The following MYOM3 variants were observed in gnomAD, a reference collection of about 807,000 sequenced individuals.
MYOM3 encodes myomesin 3.
MYOM3 carries 155 observed loss-of-function variants against 191.7 expected under a neutral mutation model. The ratio of observed to expected loss-of-function variants is 0.81; its 90% CI spans 0.71 to 0.92. The LOEUF (loss-of-function observed/expected upper bound fraction) is 0.92, where lower values mean the gene tolerates loss of function less well. Among genes scored for constraint, MYOM3 ranks in the 40% least tolerant of loss-of-function variants. MYOM3 has a pLI of 0.00. For synonymous variants in MYOM3, 757 were observed against 762.9 expected, an observed-to-expected ratio of 0.99 and a Z score of 0.13; for missense variants, 1,889 against 1,890.6, an observed-to-expected ratio of 1.00 and a Z score of 0.02.
At chr1:24,092,408 A>G (rs1643850557) in intron 10 of MYOM3, 93 bp from the exon 11 acceptor site, 1 of 1,143,816 alleles carries the variant, frequency 8.7e-7, no homozygotes, top group African/African-American at 1.6e-5. Flanking sequence ...CTTCTCATCC[A>G]TCCTCCAGGG....
At chr1:24,110,425 A>C (rs1490184565) in intron 1 of MYOM3, among the ~76,000 whole-genome samples, 1 of 151,982 alleles carries the variant, frequency 6.6e-6, no homozygotes, top group Non-Finnish European at 1.5e-5. Context: ...TGAACACAGC[A>C]CCTAGGTGAC....
At chr1:24,083,687 C>T (rs1473345790) in intron 16 of MYOM3, 2 of 152,396 alleles carry the variant, frequency 1.3e-5, no homozygotes, top group Non-Finnish European at 2.9e-5. Context: ...CTGCCCTCCC[C>T]ACCTCTCTCT....
chr1:24,079,772 T>C (rs1169680141), intron 20 of MYOM3, among the ~76,000 whole-genome samples: 5 of 152,200 alleles, frequency 3.3e-5, no homozygotes, highest in African/African-American at 1.2e-4. Context: ...CAAATGCTGA[T>C]ATACCTGGCT....
In MYOM3 at chr1:24,064,121, A is replaced by T. The variant is rs188834731; in HGVS notation, c.3573T>A (p.Val1191=). 3 of 1,614,022 alleles carry T rather than the reference A, an allele frequency of 1.9e-6. No homozygotes were observed. In the Admixed American group the frequency reaches 5.0e-5, roughly 27 times the overall value. Residue 1191 remains valine, a synonymous_variant, in exon 30 of 37, where the codon GTT becomes GTA. Transcript: ENST00000374434. The part of the protein sequence containing the change: ...KKDKGIYRAM[V]SDDRGEDDTI... ...TGTCGTCCTCCCCTCGATCGTCAGA[A>T]ACCATCGCTCTGTAAATTCCCTTGT... is the stretch of plus-strand genomic sequence containing the variant.
chr1:24,107,495 A>G (rs1244343800), intron 3 of MYOM3, among the ~76,000 whole-genome samples: 1 of 152,190 alleles, frequency 6.6e-6, no homozygotes, highest in African/African-American at 2.4e-5. Context: ...CCAAGTGGCC[A>G]GGCCTTAGTG....
rs771873242 is a variant in MYOM3, at chr1:24,057,472, G to A, written c.4206C>T (p.Ser1402=). The change falls in exon 37 of 37, where the codon AGC becomes AGT. Residue 1402 remains serine (S), a synonymous_variant. Transcript: ENST00000374434. ...TCTTGACGAAGACGCCGTAGCGGCCGCTGTCTTCACTGTTGACCTTCTCAA... is the reference window on the plus strand; with the variant it reads ...TCTTGACGAAGACGCCGTAGCGGCCACTGTCTTCACTGTTGACCTTCTCAA... ...ITIEKVNSED[S]GRYGVFVKNK... 6.8e-6 allele frequency: 11 copies of A among 1,614,090 alleles called. No individual in the cohort carries two copies. Among genetic ancestry groups the A allele is most frequent in the African/African-American group, 2.7e-5 (2 of 74,928 alleles).
intron 9 of MYOM3, among the ~76,000 whole-genome samples, chr1:24,093,336 CT>C (rs530402459): frequency 1.2e-3 from 189 of 152,134 alleles, no homozygotes; most frequent in African/African-American, 4.5e-3. Context: ...CAGTGCGGGG[CT>C]GGGGCTCAAT....
chr1:24,095,862 T>A (rs916071372), intron 7 of MYOM3, among the ~76,000 whole-genome samples: 4 of 148,894 alleles, frequency 2.7e-5, no homozygotes, highest in Non-Finnish European at 6.0e-5. Context: ...TCAGGGAGAG[T>A]GGTGGGGGAG....
chr1:24,082,760 A>C, intron 16 of MYOM3, 46 bp from the exon 17 acceptor site: 1 of 1,523,724 alleles, frequency 6.6e-7, no homozygotes, highest in Non-Finnish European at 8.8e-7. Context: ...AACAGCCTGG[A>C]GACATTCCCA....
chr1:24,089,891 G>C (rs1570876988), intron 13 of MYOM3, among the ~76,000 whole-genome samples, 174 bp downstream of exon 13: 1 of 152,092 alleles, frequency 6.6e-6, no homozygotes, highest in Non-Finnish European at 1.5e-5. Flanking sequence ...CTCCAGGAGG[G>C]CCACAGCCAG....
intron 5 of MYOM3, among the ~76,000 whole-genome samples, chr1:24,100,747 C>A (rs1643905758): frequency 6.6e-6 from 1 of 152,056 alleles, no homozygotes; most frequent in Admixed American, 6.5e-5. Flanking sequence ...ATTAGTCGGG[C>A]GTGGTGGCGG....
intron 32 of MYOM3, among the ~76,000 whole-genome samples, chr1:24,062,755 C>A (rs1276299375): frequency 6.6e-6 from 1 of 152,216 alleles, no homozygotes; most frequent in Non-Finnish European, 1.5e-5. Flanking sequence ...CCCTGACCCA[C>A]CTGACCACTT....
At chr1:24,100,935 C>G (rs1014627803) in intron 5 of MYOM3, among the ~76,000 whole-genome samples, 1 of 151,660 alleles carries the variant, frequency 6.6e-6, no homozygotes, top group Non-Finnish European at 1.5e-5. Context: ...TTTGAACATA[C>G]GGCTGTGGGA....
chr1:24,064,719 C>T (rs1177493495), intron 29 of MYOM3, among the ~76,000 whole-genome samples: 1 of 152,252 alleles, frequency 6.6e-6, no homozygotes, highest in Non-Finnish European at 1.5e-5. Context: ...GAAGTGACCT[C>T]TCATTACACA....
intron 36 of MYOM3, among the ~76,000 whole-genome samples, chr1:24,058,161 C>T (rs890931647): frequency 6.6e-6 from 1 of 152,176 alleles, no homozygotes; most frequent in African/African-American, 2.4e-5. Flanking sequence ...ACCATAATTA[C>T]TCTCGCAATT....
chr1:24,107,861 A>T, intron 3 of MYOM3, 132 bp downstream of exon 3: 1 of 757,178 alleles, frequency 1.3e-6, no homozygotes, highest in Non-Finnish European at 2.2e-6. Context: ...ACTCCTGTCT[A>T]GACCCTTATT....
intron 8 of MYOM3, 51 bp downstream of exon 8, chr1:24,095,391 G>C: frequency 1.3e-6 from 2 of 1,559,478 alleles, no homozygotes; most frequent in Non-Finnish European, 1.8e-6. Context: ...GGGTCGGGGA[G>C]CAAAGCCTGA....
intron 25 of MYOM3, among the ~76,000 whole-genome samples, chr1:24,070,899 C>T (rs2148545860): frequency 6.6e-6 from 1 of 152,132 alleles, no homozygotes; most frequent in South Asian, 2.1e-4. Flanking sequence ...TTGCACTGGC[C>T]AGCATGTAGT....
Position 24,091,008 on chromosome 1 carries a change from A to T in MYOM3, c.1233-12T>A. 1 of 1,612,206 alleles carries T rather than the reference A, an allele frequency of 6.2e-7. No individual in the cohort carries two copies. Among genetic ancestry groups the T allele is most frequent in the East Asian group, 2.2e-5 (1 of 44,880 alleles). ...ACTCGCCCTGGCACCTGTTGGAGAC[A>T]GGCCCCCCCTTTCAGCCCCTGCCCA... On this transcript the variant is annotated splice_polypyrimidine_tract_variant and intron_variant, in intron 11 of 36. Coordinates refer to ENST00000374434, the MANE Select transcript of MYOM3 (RefSeq NM_152372.4).
Sources: allele counts gnomAD v4.1 joint callset (sites outside exome capture counted in the v4.1 genomes callset), GRCh38; gene constraint gnomAD v4.1.1; transcripts MANE v1.5; gene names NCBI Gene and HGNC (gene_info 2026-07-23, HGNC 2026-07-21).